Variants in ROBO1 observed in about 807,000 individuals in gnomAD.
ROBO1 encodes the protein roundabout guidance receptor 1, also known as roundabout homolog 1.
A neutral mutation model predicts 195.9 loss-of-function variants in ROBO1; 149 were observed. The ratio of observed to expected loss-of-function variants is 0.76; its 90% CI spans 0.67 to 0.87. The LOEUF (loss-of-function observed/expected upper bound fraction) is 0.87, where lower values mean the gene tolerates loss of function less well. ROBO1 is among the 40% of genes least tolerant of loss of function. ROBO1 has a pLI of 0.00. For missense variants in ROBO1, 1,933 were observed against 2,068.3 expected (o/e 0.93, Z 1.27); for synonymous variants, 816 against 733.2 (o/e 1.11, Z -1.82).
chr3:79,187,731 C>A (rs961751395), intron 2 of ROBO1, among the ~76,000 whole-genome samples: 3 of 151,970 alleles, frequency 2.0e-5, no homozygotes, highest in Non-Finnish European at 4.4e-5. Flanking sequence ...TGGTTTCAGG[C>A]ACAGCTATAG....
At chr3:79,663,198 C>A (rs1308539396) in intron 1 of ROBO1, among the ~76,000 whole-genome samples, 1 of 151,946 alleles carries the variant, frequency 6.6e-6, no homozygotes, top group Non-Finnish European at 1.5e-5. Context: ...AACCTTATCA[C>A]TCTGATAACT....
At chr3:78,796,663 A>G (rs1217369747) in intron 4 of ROBO1, among the ~76,000 whole-genome samples, 1 of 152,102 alleles carries the variant, frequency 6.6e-6, no homozygotes, top group Non-Finnish European at 1.5e-5. Flanking sequence ...TCAATCTACC[A>G]TCAAGTCCTG....
intron 4 of ROBO1, among the ~76,000 whole-genome samples, chr3:78,831,911 G>A (rs1183954595): frequency 6.6e-6 from 1 of 152,112 alleles, no homozygotes; most frequent in Non-Finnish European, 1.5e-5. Context: ...CCGTCCCCAT[G>A]ATTCAATTAT....
At chr3:79,227,036 T>C (rs1302882957) in intron 2 of ROBO1, among the ~76,000 whole-genome samples, 1 of 152,232 alleles carries the variant, frequency 6.6e-6, no homozygotes, top group Non-Finnish European at 1.5e-5. Context: ...TTCAACTGGA[T>C]AAAATTGCCA....
intron 2 of ROBO1, among the ~76,000 whole-genome samples, chr3:79,501,858 A>C (rs1031824388): frequency 6.6e-6 from 1 of 152,218 alleles, no homozygotes; most frequent in African/African-American, 2.4e-5. Flanking sequence ...GGCCAGTATC[A>C]GTTTTGACTG....
At chr3:78,605,087 G>A (rs1703390248) in intron 29 of ROBO1, among the ~76,000 whole-genome samples, 1 of 152,020 alleles carries the variant, frequency 6.6e-6, no homozygotes, top group Non-Finnish European at 1.5e-5. Context: ...CTCCATACAG[G>A]CTGGCTTTTA....
rs562606408 is a variant in ROBO1 at position 79,406,313 on chromosome 3, A to ATAG, written c.88+183508_88+183510dup. ...CATGATGGTACATGTCCGTAGTCCC[A>ATAG]TAGTCCCAGCTACTCAGGAGGCTGA... On this transcript the variant is annotated intron_variant, in intron 2 of 30. Coordinates refer to ENST00000464233, the MANE Select transcript of ROBO1 (RefSeq NM_002941.4). 2.4e-3 allele frequency among the ~76,000 whole-genome samples: 368 copies of ATAG among 151,790 alleles called. 2 individuals are homozygous for ATAG. The highest frequency in any genetic ancestry group is 7.6e-3 in the African/African-American group (313 of 41,424).
chr3:79,739,334 T>C (rs1438344620), intron 1 of ROBO1, among the ~76,000 whole-genome samples: 1 of 152,148 alleles, frequency 6.6e-6, no homozygotes, highest in Non-Finnish European at 1.5e-5. Flanking sequence ...GTTTAAAGAT[T>C]GATCATAGAG....
chr3:78,759,849 T>C (rs1039562166), intron 4 of ROBO1, among the ~76,000 whole-genome samples: 1 of 151,678 alleles, frequency 6.6e-6, no homozygotes, highest in Admixed American at 6.6e-5. Context: ...GTAAAAAATA[T>C]GCAAAAATGA....
chr3:78,629,461 G>A (rs929013584), intron 25 of ROBO1, among the ~76,000 whole-genome samples: 1 of 152,080 alleles, frequency 6.6e-6, no homozygotes, highest in African/African-American at 2.4e-5. Context: ...GGAGGCTGAG[G>A]CGGGACGATC....
At chr3:79,348,002 A>C (rs1488006494) in intron 2 of ROBO1, among the ~76,000 whole-genome samples, 1 of 152,090 alleles carries the variant, frequency 6.6e-6, no homozygotes, top group Non-Finnish European at 1.5e-5. Flanking sequence ...ACCTGAGGTC[A>C]AGAGTTTGAG....
intron 3 of ROBO1, among the ~76,000 whole-genome samples, chr3:79,077,588 C>CTTA (rs1478356191): frequency 1.3e-5 from 2 of 151,740 alleles, no homozygotes; most frequent in African/African-American, 4.8e-5. Context: ...ATTTGAAATT[C>CTTA]TTATATGCAT....
intron 2 of ROBO1, among the ~76,000 whole-genome samples, chr3:79,433,470 C>T (rs796085739): frequency 7.2e-5 from 11 of 152,098 alleles, no homozygotes; most frequent in African/African-American, 2.6e-4. Flanking sequence ...AGCTCACATC[C>T]TCACATCAGA....
chr3:79,739,006 A>G (rs1405864786), intron 1 of ROBO1, among the ~76,000 whole-genome samples: 1 of 152,208 alleles, frequency 6.6e-6, no homozygotes, highest in East Asian at 1.9e-4. Context: ...TAAGTAACAC[A>G]TAAATATGTT....
chr3:79,620,411 A>G (rs1168092339), intron 1 of ROBO1, among the ~76,000 whole-genome samples: 1 of 152,052 alleles, frequency 6.6e-6, no homozygotes, highest in African/African-American at 2.4e-5. Flanking sequence ...ACTCCACATT[A>G]CCTTCTTTTC....
chr3:78,923,227 A>T (rs141766216), intron 4 of ROBO1, among the ~76,000 whole-genome samples: 3 of 152,166 alleles, frequency 2.0e-5, no homozygotes, highest in African/African-American at 7.2e-5. Context: ...CATTTTTGAG[A>T]CTTTTTCTGT....
intron 4 of ROBO1, among the ~76,000 whole-genome samples, chr3:78,879,571 AT>A (rs2036058393): frequency 6.6e-6 from 1 of 152,118 alleles, no homozygotes; most frequent in East Asian, 1.9e-4. Context: ...TGATAGCCTA[AT>A]TAGGGGATTA....
intron 2 of ROBO1, among the ~76,000 whole-genome samples, chr3:79,496,290 T>C (rs1012853320): frequency 5.3e-5 from 8 of 150,376 alleles, no homozygotes; most frequent in Non-Finnish European, 1.2e-4. Context: ...GTATATAATA[T>C]GTAAGTAAAA....
chr3:79,596,132 C>A (rs1560024127), intron 1 of ROBO1, among the ~76,000 whole-genome samples: 1 of 151,958 alleles, frequency 6.6e-6, no homozygotes, highest in African/African-American at 2.4e-5. Flanking sequence ...CTATTTAAAT[C>A]AATCTTTGTA....
Sources: gnomAD v4.1 joint callset for allele counts (sites outside exome capture counted in the v4.1 genomes callset) on GRCh38, gnomAD v4.1.1 for gene constraint, MANE v1.5 for transcripts, NCBI Gene and HGNC (gene_info 2026-07-23, HGNC 2026-07-21) for gene names.